MAGI2: variants seen among roughly 807,000 people sequenced by gnomAD.
MAGI2 encodes membrane-associated guanylate kinase, WW and PDZ domain-containing protein 2.
A neutral mutation model predicts 133.3 loss-of-function variants in MAGI2; 35 were observed. The observed-to-expected ratio is 0.26, with a 90% confidence interval of 0.20 to 0.35. MAGI2 has a LOEUF of 0.35. Ranked by LOEUF, MAGI2 falls within the 10% of genes least tolerant of loss-of-function variation. The pLI, the probability that MAGI2 is intolerant of heterozygous loss-of-function variation, is 1.00. For synonymous variants in MAGI2, 729 were observed against 710.6 expected, an observed-to-expected ratio of 1.03 and a Z score of -0.41; for missense variants, 1,636 against 1,863.4, an observed-to-expected ratio of 0.88 and a Z score of 2.25.
intron 9 of MAGI2, among the ~76,000 whole-genome samples, chr7:78,266,511 G>A (rs909972421): frequency 2.0e-5 from 3 of 151,832 alleles, no homozygotes; most frequent in Admixed American, 6.6e-5. Flanking sequence ...CCAGAGCAGT[G>A]TTTTTAGCCA....
chr7:78,894,228 T>C (rs1642904), intron 2 of MAGI2, among the ~76,000 whole-genome samples: 78,832 of 151,966 alleles, frequency 0.52, 22,068 homozygotes, highest in South Asian at 0.69. Context: ...AGTGAAACCC[T>C]GTCTCCACTA....
intron 5 of MAGI2, among the ~76,000 whole-genome samples, chr7:78,490,747 A>T (rs1408572812): frequency 6.6e-6 from 1 of 152,130 alleles, no homozygotes. Context: ...AGAACCACTC[A>T]TGGCTCACAT....
intron 1 of MAGI2, among the ~76,000 whole-genome samples, chr7:79,172,250 T>G (rs1251321883): frequency 1.3e-5 from 2 of 152,088 alleles, no homozygotes; most frequent in Non-Finnish European, 2.9e-5. Flanking sequence ...AACTATAAGA[T>G]GAGAATTTAT....
intron 2 of MAGI2, among the ~76,000 whole-genome samples, chr7:78,886,471 GACTT>G (rs1214063660): frequency 1.3e-5 from 2 of 152,186 alleles, no homozygotes; most frequent in African/African-American, 4.8e-5. Context: ...ACCAAGTCAT[GACTT>G]ACTTTGAGAA....
intron 2 of MAGI2, among the ~76,000 whole-genome samples, chr7:78,891,455 T>A (rs1046981922): frequency 6.6e-6 from 1 of 152,188 alleles, no homozygotes; most frequent in Non-Finnish European, 1.5e-5. Flanking sequence ...ATATCCCTGA[T>A]GAACATCGAT....
intron 2 of MAGI2, among the ~76,000 whole-genome samples, chr7:78,761,926 G>C (rs1162322839): frequency 6.6e-6 from 1 of 152,062 alleles, no homozygotes; most frequent in Non-Finnish European, 1.5e-5. Context: ...GGAGTGTGAA[G>C]GGGCACCAAT....
chr7:78,209,821 T>C (rs1212886802), intron 10 of MAGI2, among the ~76,000 whole-genome samples: 1 of 152,208 alleles, frequency 6.6e-6, no homozygotes, highest in Non-Finnish European at 1.5e-5. Context: ...TCTGAAGAAA[T>C]TGGCTGCTAC....
chr7:78,458,123 C>G (rs932327764), intron 6 of MAGI2, among the ~76,000 whole-genome samples: 1 of 151,862 alleles, frequency 6.6e-6, no homozygotes, highest in East Asian at 1.9e-4. Context: ...TGGTGAAACA[C>G]CGTCTCTACT....
intron 2 of MAGI2, among the ~76,000 whole-genome samples, chr7:78,668,026 A>G (rs1003620748): frequency 1.8e-4 from 27 of 152,036 alleles, no homozygotes; most frequent in African/African-American, 5.8e-4. Context: ...AAGTGCTCCT[A>G]TTTCTCCCCA....
At chr7:78,579,857 C>T (rs1444783629) in intron 3 of MAGI2, among the ~76,000 whole-genome samples, 1 of 152,090 alleles carries the variant, frequency 6.6e-6, no homozygotes, top group Non-Finnish European at 1.5e-5. Context: ...TTACTCTTCC[C>T]TACACTAGTC....
chr7:78,829,403 C>T (rs765691539), intron 2 of MAGI2, among the ~76,000 whole-genome samples: 1 of 151,886 alleles, frequency 6.6e-6, no homozygotes, highest in Non-Finnish European at 1.5e-5. Flanking sequence ...TCTTTGTGAA[C>T]CTTTTTCATG....
At chr7:79,226,198 T>C (rs978711989) in intron 1 of MAGI2, among the ~76,000 whole-genome samples, 2 of 152,172 alleles carry the variant, frequency 1.3e-5, no homozygotes, top group African/African-American at 4.8e-5. Flanking sequence ...AGAATACATT[T>C]GTGTCTAAAA....
chr7:78,702,281 C>T (rs1244366751), intron 2 of MAGI2, among the ~76,000 whole-genome samples: 2 of 151,802 alleles, frequency 1.3e-5, no homozygotes, highest in African/African-American at 4.8e-5. Context: ...GCAAGGTATA[C>T]ATGCCAGATT....
intron 3 of MAGI2, among the ~76,000 whole-genome samples, chr7:78,589,681 C>T (rs1803792800): frequency 6.6e-6 from 1 of 152,168 alleles, no homozygotes; most frequent in Admixed American, 6.5e-5. Flanking sequence ...CAGGTGTGAT[C>T]TAAATTGCAT....
chr7:78,518,285 A>G (rs1285515170), intron 4 of MAGI2: 1 of 152,214 alleles, frequency 6.6e-6, no homozygotes, highest in East Asian at 1.9e-4. Flanking sequence ...TTATATGTTT[A>G]TATATCACTA....
At chr7:78,344,208 A>C (rs2151186943) in intron 8 of MAGI2, among the ~76,000 whole-genome samples, 1 of 152,312 alleles carries the variant, frequency 6.6e-6, no homozygotes, top group Non-Finnish European at 1.5e-5. Context: ...CTTTTTGTCA[A>C]ATCAGTTTCC....
At chr7:79,188,628 A>G (rs1827379596) in intron 1 of MAGI2, among the ~76,000 whole-genome samples, 2 of 151,986 alleles carry the variant, frequency 1.3e-5, no homozygotes, top group African/African-American at 4.8e-5. Context: ...TAATGGGGAT[A>G]TATATAATAA....
chr7:79,427,539 G>A (rs1358572898), intron 1 of MAGI2, among the ~76,000 whole-genome samples: 1 of 152,086 alleles, frequency 6.6e-6, no homozygotes, highest in African/African-American at 2.4e-5. Context: ...TGGCATTAGA[G>A]TCCAGCAGAA....
intron 2 of MAGI2, among the ~76,000 whole-genome samples, chr7:78,997,635 G>A (rs1806441638): frequency 6.7e-6 from 1 of 149,268 alleles, no homozygotes; most frequent in Non-Finnish European, 1.5e-5. Context: ...CAGGATCCAT[G>A]TGTATTTCTT....
Sources: allele counts gnomAD v4.1 joint callset (sites outside exome capture counted in the v4.1 genomes callset), GRCh38; gene constraint gnomAD v4.1.1; transcripts MANE v1.5; gene names NCBI Gene and HGNC (gene_info 2026-07-23, HGNC 2026-07-21).